ASIC2: variants seen among roughly 807,000 people sequenced by gnomAD.
ASIC2 encodes acid-sensing ion channel 2.
In ASIC2, 25 loss-of-function variants were observed where a neutral mutation model predicts 57.3. The ratio of observed to expected loss-of-function variants is 0.44; its 90% CI spans 0.32 to 0.61. The LOEUF (loss-of-function observed/expected upper bound fraction) is 0.61, where lower values mean the gene tolerates loss of function less well. ASIC2 is among the 20% of genes least tolerant of loss of function. The pLI is 0.06. For synonymous variants in ASIC2, 319 were observed against 307.5 expected, an observed-to-expected ratio of 1.04 and a Z score of -0.39; for missense variants, 641 against 738.1, an observed-to-expected ratio of 0.87 and a Z score of 1.52.
intron 1 of ASIC2, among the ~76,000 whole-genome samples, chr17:33,807,234 T>C (rs571350796): frequency 6.6e-6 from 1 of 152,362 alleles, no homozygotes; most frequent in Non-Finnish European, 1.5e-5. Flanking sequence ...ACTGGTTTGG[T>C]GTGCTCTTCA....
intron 3 of ASIC2, among the ~76,000 whole-genome samples, chr17:33,049,589 C>T (rs748886260): frequency 3.3e-5 from 5 of 152,110 alleles, no homozygotes; most frequent in South Asian, 2.1e-4. Context: ...TGATTGCAAA[C>T]GGCTCAGTAC....
chr17:33,859,333 A>G (rs1914044440), intron 1 of ASIC2, among the ~76,000 whole-genome samples: 1 of 152,232 alleles, frequency 6.6e-6, no homozygotes, highest in African/African-American at 2.4e-5. Context: ...ACTGCTTAGT[A>G]GGCATTCAAC....
At chr17:33,869,511 G>A (rs145425574) in intron 1 of ASIC2, among the ~76,000 whole-genome samples, 1 of 152,316 alleles carries the variant, frequency 6.6e-6, no homozygotes, top group East Asian at 1.9e-4. Context: ...GCTGATGAAT[G>A]AATAAATTAA....
chr17:33,084,502 G>A (rs1266708826), intron 3 of ASIC2, among the ~76,000 whole-genome samples: 3 of 152,334 alleles, frequency 2.0e-5, no homozygotes, highest in South Asian at 2.1e-4. Context: ...TGGTAGATTC[G>A]GGCTTGAAGC....
At position 33,877,352 on chromosome 17, in the gene ASIC2, G is replaced by A. The variant is rs149196616; in HGVS notation, c.555+278626C>T. ...TCGCCCGGGAAGCTCAAGGGGTCAG[G>A]GAATTCCCTTTCCTAGTCAAAGAAC... On this transcript the variant is annotated intron_variant, in intron 1 of 9. Transcript: ENST00000359872. 3.6e-3 allele frequency among the ~76,000 whole-genome samples: 543 copies of A among 152,308 alleles called. 4 individuals are homozygous for A. Among genetic ancestry groups the A allele is most frequent in the African/African-American group, 0.012 (516 of 41,582 alleles).
intron 1 of ASIC2, among the ~76,000 whole-genome samples, chr17:33,959,344 G>A (rs1904846370): frequency 6.6e-6 from 1 of 152,118 alleles, no homozygotes; most frequent in African/African-American, 2.4e-5. Flanking sequence ...TATTAATCAG[G>A]GTTCTCTAGA....
At chr17:33,912,014 C>A (rs940032401) in intron 1 of ASIC2, among the ~76,000 whole-genome samples, 36 of 151,444 alleles carry the variant, frequency 2.4e-4, no homozygotes, top group Admixed American at 2.1e-3. Context: ...GTGGTGTATG[C>A]CTGTAATCTC....
intron 1 of ASIC2, among the ~76,000 whole-genome samples, chr17:34,141,160 TA>T (rs35314607): frequency 2.0e-4 from 30 of 148,404 alleles, no homozygotes; most frequent in African/African-American, 3.7e-4. Context: ...CTTGAATTAT[TA>T]AAAAAAAAAA....
At chr17:33,144,011 G>C (rs890463013) in intron 1 of ASIC2, among the ~76,000 whole-genome samples, 1 of 151,990 alleles carries the variant, frequency 6.6e-6, no homozygotes, top group Non-Finnish European at 1.5e-5. Context: ...TCTAGGAAAG[G>C]CTTCCATTTT....
chr17:33,110,419 G>A (rs954395653), intron 2 of ASIC2, among the ~76,000 whole-genome samples: 3 of 152,178 alleles, frequency 2.0e-5, no homozygotes, highest in Non-Finnish European at 4.4e-5. Flanking sequence ...ATCTGGAAGG[G>A]CATTGAGTTG....
At chr17:33,343,736 T>A (rs1041537907) in intron 1 of ASIC2, among the ~76,000 whole-genome samples, 1 of 152,204 alleles carries the variant, frequency 6.6e-6, no homozygotes, top group African/African-American at 2.4e-5. Context: ...TTCCACTCCA[T>A]GGCCCCCAGG....
intron 1 of ASIC2, among the ~76,000 whole-genome samples, chr17:33,380,627 T>G (rs1227237699): frequency 3.3e-5 from 5 of 152,222 alleles, no homozygotes; most frequent in African/African-American, 1.2e-4. Context: ...CATCAGCTTT[T>G]CAGTGGTTGA....
chr17:33,305,599 A>G (rs1244900151), intron 1 of ASIC2, among the ~76,000 whole-genome samples: 1 of 152,350 alleles, frequency 6.6e-6, no homozygotes, highest in East Asian at 1.9e-4. Flanking sequence ...CAAACTCCAC[A>G]CATTTCAAAT....
At chr17:33,650,609 G>T (rs551339195) in intron 1 of ASIC2, among the ~76,000 whole-genome samples, 1 of 152,152 alleles carries the variant, frequency 6.6e-6, no homozygotes, top group South Asian at 2.1e-4. Context: ...AACAAATTGT[G>T]GTATCTCCAT....
At chr17:33,444,254 G>GCACA (rs1238966417) in intron 1 of ASIC2, among the ~76,000 whole-genome samples, 2 of 152,186 alleles carry the variant, frequency 1.3e-5, no homozygotes, top group Non-Finnish European at 2.9e-5. Context: ...ACTGCTGGGT[G>GCACA]TGTGACCTGT....
chr17:33,501,698 T>A lies in ASIC2; in HGVS notation c.556-389631A>T, dbSNP rs570025303. ...GGTAGAGGCTCTGAACACCCTGCAG[T>A]AAGGGATCCTGTTGCATTCTGTTTA... On this transcript the variant is annotated intron_variant, in intron 1 of 9. Coordinates refer to the ASIC2 transcript ENST00000359872. 3.9e-5 allele frequency among the ~76,000 whole-genome samples: 6 copies of A among 152,326 alleles called. No individual in the cohort carries two copies. In the South Asian group the frequency reaches 1.2e-3, roughly 32 times the overall value.
chr17:33,054,975 T>C (rs2091992287), intron 3 of ASIC2, among the ~76,000 whole-genome samples: 1 of 152,204 alleles, frequency 6.6e-6, no homozygotes, highest in African/African-American at 2.4e-5. Flanking sequence ...CACATGGCCT[T>C]GGGTCAGTTC....
chr17:33,975,658 G>A (rs1203807689), intron 1 of ASIC2, among the ~76,000 whole-genome samples: 4 of 152,070 alleles, frequency 2.6e-5, no homozygotes, highest in African/African-American at 9.7e-5. Context: ...CTCGGCTGGA[G>A]ACCTTGATCT....
intron 1 of ASIC2, among the ~76,000 whole-genome samples, chr17:33,172,225 T>G (rs553619603): frequency 6.6e-5 from 10 of 152,294 alleles, no homozygotes; most frequent in African/African-American, 2.2e-4. Flanking sequence ...CAAATGATCA[T>G]GTCCTAAAGT....
Sources: gnomAD v4.1 joint callset for allele counts (sites outside exome capture counted in the v4.1 genomes callset) on GRCh38, gnomAD v4.1.1 for gene constraint, MANE v1.5 for transcripts, NCBI Gene and HGNC (gene_info 2026-07-23, HGNC 2026-07-21) for gene names.